SMIM31: variants seen among roughly 807,000 people sequenced by gnomAD.
SMIM31 encodes human epithelial cell program regulator.
chr4:164,785,941 G>A, intron 2 of SMIM31, among the ~76,000 whole-genome samples: 1 of 152,066 alleles, frequency 6.6e-6, no homozygotes. Flanking sequence ...TCAATTTGTA[G>A]CTAGTAAAAA....
At chr4:164,767,390 T>C (rs1469631820) in intron 1 of SMIM31, among the ~76,000 whole-genome samples, 1 of 152,206 alleles carries the variant, frequency 6.6e-6, no homozygotes, top group Non-Finnish European at 1.5e-5. Flanking sequence ...TAAAAGGAGT[T>C]ACGTTAATTT....
chr4:164,783,166 C>T (rs555945157), intron 2 of SMIM31, among the ~76,000 whole-genome samples: 76 of 145,198 alleles, frequency 5.2e-4, no homozygotes, highest in African/African-American at 7.0e-4. Context: ...TGTGGTGAGC[C>T]GAGATCAGGC....
intron 2 of SMIM31, among the ~76,000 whole-genome samples, chr4:164,772,618 GC>G (rs1158373138): frequency 9.0e-5 from 13 of 144,530 alleles, no homozygotes; most frequent in Non-Finnish European, 1.8e-4. Context: ...TCGCTCTGTC[GC>G]CCAGGCTGGA....
intron 2 of SMIM31, among the ~76,000 whole-genome samples, chr4:164,784,473 A>G (rs1049882995): frequency 3.9e-5 from 6 of 152,262 alleles, no homozygotes; most frequent in Non-Finnish European, 8.8e-5. Context: ...CTTTCTAAAA[A>G]GATGGCAGAA....
At chr4:164,772,442 C>T (rs1014510626) in intron 2 of SMIM31, among the ~76,000 whole-genome samples, 4 of 152,112 alleles carry the variant, frequency 2.6e-5, no homozygotes, top group African/African-American at 7.2e-5. Flanking sequence ...TTATCAGGAG[C>T]CTTCCATGAA....
intron 2 of SMIM31, among the ~76,000 whole-genome samples, chr4:164,798,987 C>T (rs1322337071): frequency 1.3e-5 from 2 of 152,128 alleles, no homozygotes; most frequent in African/African-American, 4.8e-5. Context: ...TCACCTTCTG[C>T]CATGAGTAAA....
intron 1 of SMIM31, among the ~76,000 whole-genome samples, chr4:164,763,353 A>G (rs1397425910): frequency 6.6e-6 from 1 of 152,214 alleles, no homozygotes; most frequent in African/African-American, 2.4e-5. Flanking sequence ...ATCCTTTAGA[A>G]ACTCAGAAAT....
intron 1 of SMIM31, among the ~76,000 whole-genome samples, chr4:164,755,823 A>C (rs1732554104): frequency 6.6e-6 from 1 of 152,114 alleles, no homozygotes; most frequent in Non-Finnish European, 1.5e-5. Flanking sequence ...AGTAGTAGCA[A>C]AGCCTTTTAG....
chr4:164,788,781 C>T lies in SMIM31; in HGVS notation c.113-12310C>T, dbSNP rs1027863340. On this transcript the variant is annotated intron_variant, in intron 2 of 2. Coordinates refer to ENST00000507311, the MANE Select transcript of SMIM31 (RefSeq NM_001352885.1). ...GATTACAGGCGTGAGCCACCACGCC[C>T]GGCCCTTTTCTTCTAATTTTTTAAG... Among the ~76,000 whole-genome samples, 5 of 152,012 alleles carry T rather than the reference C, an allele frequency of 3.3e-5. No individual in the cohort carries two copies. The South Asian group carries it at 8.3e-4, about 25-fold the overall frequency.
At position 164,764,116 on chromosome 4, in the gene SMIM31, G is replaced by A. The variant is rs377681303; in HGVS notation, c.-25-6303G>A. Among the ~76,000 whole-genome samples, 8 of 152,236 alleles carry A rather than the reference G, an allele frequency of 5.3e-5. No homozygotes were observed. In the East Asian group the frequency reaches 7.7e-4, roughly 15 times the overall value. Reference sequence around the variant, plus strand: ...TTAAATAAATTGAAAACTAACAATTGTTGAATTTTCCCTAAGCTGTTTTGG... The same window carrying A: ...TTAAATAAATTGAAAACTAACAATTATTGAATTTTCCCTAAGCTGTTTTGG... On this transcript the variant is annotated intron_variant, in intron 1 of 2. Coordinates refer to ENST00000507311, the MANE Select transcript of SMIM31 (RefSeq NM_001352885.1).
intron 1 of SMIM31, among the ~76,000 whole-genome samples, chr4:164,756,086 T>C (rs62352405): frequency 0.11 from 17,389 of 152,106 alleles, 1,097 homozygotes; most frequent in African/African-American, 0.16. Context: ...TAGAAGTCAA[T>C]ATTTGTTTAA....
intron 2 of SMIM31, among the ~76,000 whole-genome samples, chr4:164,772,931 G>T (rs922539719): frequency 3.3e-5 from 5 of 149,398 alleles, no homozygotes; most frequent in African/African-American, 1.2e-4. Context: ...ACGACAGAGA[G>T]CCAGAAGTTA....
At chr4:164,761,926 T>A (rs1264894612) in intron 1 of SMIM31, among the ~76,000 whole-genome samples, 3 of 129,030 alleles carry the variant, frequency 2.3e-5, no homozygotes, top group Non-Finnish European at 5.0e-5. Context: ...CCACCTCAAA[T>A]AAATAAATAA....
Position 164,758,801 on chromosome 4 carries a change from A to ATTTTTTTTTTTTTTTTTTTTTTTTTTT in SMIM31, c.-26+4404_-26+4430dup, listed in dbSNP as rs35632469. ...GGCGCCCGCCACCACGCCCGGCCAA[A>ATTTTTTTTTTTTTTTTTTTTTTTTTTT]TTTTTTTTTTTTTTTTTTTTTTTTT... On this transcript the variant is annotated intron_variant, in intron 1 of 2. Transcript: ENST00000507311. Among the ~76,000 whole-genome samples the ATTTTTTTTTTTTTTTTTTTTTTTTTTT allele has an allele frequency of 3.1e-4, 19 of 60,910 alleles. 2 individuals are homozygous for ATTTTTTTTTTTTTTTTTTTTTTTTTTT. Among genetic ancestry groups the ATTTTTTTTTTTTTTTTTTTTTTTTTTT allele is most frequent in the East Asian group, 1.8e-3 (3 of 1,638 alleles). 40.0% of individuals were successfully genotyped at this position (60,910 alleles called of 152,430 possible).
intron 2 of SMIM31, among the ~76,000 whole-genome samples, chr4:164,797,402 A>G (rs1733212480): frequency 6.6e-6 from 1 of 151,994 alleles, no homozygotes; most frequent in Non-Finnish European, 1.5e-5. Context: ...AAACACAGAT[A>G]CAAAAGGACA....
intron 2 of SMIM31, among the ~76,000 whole-genome samples, chr4:164,790,311 A>T (rs1733083622): frequency 6.6e-6 from 1 of 152,184 alleles, no homozygotes; most frequent in African/African-American, 2.4e-5. Context: ...TTTAAAAAAA[A>T]TCCTTTTAAA....
chr4:164,791,796 C>T (rs891510170), intron 2 of SMIM31, among the ~76,000 whole-genome samples: 1 of 152,014 alleles, frequency 6.6e-6, no homozygotes, highest in African/African-American at 2.4e-5. Flanking sequence ...GTACCCATTA[C>T]CTTAATGGTG....
intron 2 of SMIM31, among the ~76,000 whole-genome samples, chr4:164,798,410 T>G (rs978474303): frequency 1.3e-4 from 18 of 140,568 alleles, no homozygotes; most frequent in Non-Finnish European, 2.3e-4. Flanking sequence ...ATATTTTGTA[T>G]TTTTTTTTTT....
rs1733299202 is a variant in SMIM31 at position 164,802,431 on chromosome 4, C to T, written c.*1237C>T. 6.6e-6 allele frequency: 1 copy of T among 152,266 alleles called. No homozygotes were observed. Among genetic ancestry groups the T allele is most frequent in the African/African-American group, 2.4e-5 (1 of 41,442 alleles). 9.4% of individuals were successfully genotyped at this position (152,266 alleles called of 1,614,324 possible). A position where few individuals can be genotyped will look rare whatever the true frequency, so the allele number is the denominator to read the frequency against. On this transcript the variant is annotated 3_prime_UTR_variant, in exon 3 of 3. Coordinates refer to ENST00000507311, the MANE Select transcript of SMIM31 (RefSeq NM_001352885.1). The stretch of plus-strand genomic sequence containing the variant: ...TTGTAATTGTTTGTAGAACCAAGGC[C>T]TCTCTATGTTGCCTAGGCTGGTCTC...
Sources: allele counts gnomAD v4.1 joint callset (sites outside exome capture counted in the v4.1 genomes callset), GRCh38; gene constraint gnomAD v4.1.1; transcripts MANE v1.5; gene names NCBI Gene and HGNC (gene_info 2026-07-23, HGNC 2026-07-21).